The following CACNA1B variants were observed in gnomAD, a reference collection of about 807,000 sequenced individuals.
The protein encoded by CACNA1B is calcium voltage-gated channel subunit alpha1 B.
CACNA1B carries 70 observed loss-of-function variants against 247.2 expected under a neutral mutation model. The observed-to-expected ratio is 0.28, with a 90% confidence interval of 0.23 to 0.35. CACNA1B has a LOEUF of 0.35. Among genes scored for constraint, CACNA1B ranks in the 10% least tolerant of loss-of-function variants. CACNA1B has a pLI of 1.00. For missense variants in CACNA1B, 2,367 were observed against 3,197.4 expected, an observed-to-expected ratio of 0.74 and a Z score of 6.26; for synonymous variants, 1,231 against 1,294.4, an observed-to-expected ratio of 0.95 and a Z score of 1.05.
intron 6 of CACNA1B, among the ~76,000 whole-genome samples, chr9:137,932,935 AT>A (rs60271743): frequency 0.37 from 56,053 of 151,394 alleles, 14,627 homozygotes; most frequent in African/African-American, 0.73. Context: ...TTATTTATTT[AT>A]TTATTATATT....
At position 138,043,791 on chromosome 9, in the gene CACNA1B, G is replaced by A; in HGVS notation, c.3304G>A (p.Glu1102Lys). 6.2e-7 allele frequency: 1 copy of A among 1,613,914 alleles called. No individual in the cohort carries two copies. The change falls in exon 21 of 47, where the codon GAA becomes AAA. Residue 1102 changes from glutamate to lysine, a missense_variant. Glu to Lys is a moderately conservative substitution (Grantham distance 56). This residue lies in a region of CACNA1B where 631 missense variants were observed against 631.1 expected (regional missense o/e 1.00). Transcript: ENST00000371372. The stretch of plus-strand genomic sequence containing the variant: ...CCTTGTAGGTGGTAACGTGGACCTG[G>A]AAAGCCAAGCAGAGGGGAAGAAGGA... ...TVVPSGNVDL[E>K]SQAEGKKEVE...
At chr9:137,904,234 T>G (rs1423214076) in intron 3 of CACNA1B, among the ~76,000 whole-genome samples, 1 of 152,164 alleles carries the variant, frequency 6.6e-6, no homozygotes, top group Non-Finnish European at 1.5e-5. Flanking sequence ...CTGTAAGGCA[T>G]GTAAAACCCA....
chr9:138,053,996 A>C lies in CACNA1B; in HGVS notation c.3958A>C (p.Arg1320=). The C allele has an allele frequency of 1.2e-6, 2 of 1,613,890 alleles. No individual in the cohort carries two copies. Among genetic ancestry groups the C allele is most frequent in the Non-Finnish European group, 1.7e-6 (2 of 1,179,802 alleles). The part of the protein sequence containing the change: ...YCTDESKELE[R]DCRGQYLDYE... Reference sequence around the variant, plus strand: ...CACAGATGAATCCAAGGAGCTGGAGAGGGACTGCAGGTAAACTGAGGCAGG... The same window carrying C: ...CACAGATGAATCCAAGGAGCTGGAGCGGGACTGCAGGTAAACTGAGGCAGG... The change falls in exon 26 of 47, where the codon AGG becomes CGG. Residue 1320 remains arginine, a synonymous_variant. Transcript: ENST00000371372.
intron 15 of CACNA1B, among the ~76,000 whole-genome samples, chr9:138,005,887 C>T (rs1056775441): frequency 2.0e-5 from 3 of 151,850 alleles, no homozygotes; most frequent in Non-Finnish European, 4.4e-5. Context: ...ACTAAAAATA[C>T]AAAAAATTAG....
At chr9:138,103,517 C>T (rs1365957926) in intron 38 of CACNA1B, among the ~76,000 whole-genome samples, 1 of 152,078 alleles carries the variant, frequency 6.6e-6, no homozygotes. Flanking sequence ...GGGGGTAAAT[C>T]GAGGGATGCC....
intron 3 of CACNA1B, chr9:137,892,066 A>G: frequency 2.2e-6 from 1 of 456,858 alleles, no homozygotes; most frequent in Non-Finnish European, 4.4e-6. Flanking sequence ...CTTCTTCCCC[A>G]CCAGGCTGGC....
rs202102427 is a variant in CACNA1B, at chr9:138,121,728, C to G, written c.6749C>G (p.Pro2250Arg). The change falls in exon 47 of 47, where the codon CCT (proline) becomes CGT (arginine). Residue 2250 changes from proline to arginine, a missense_variant. Pro to Arg is a moderately radical substitution (Grantham distance 103). Around this residue, in one of 12 missense-constraint regions of CACNA1B, gnomAD observed 773 missense variants for 779.4 expected, o/e 0.99. Transcript: ENST00000371372. This position sits in a 1 kb window ranked among gnomAD's most constrained non-coding sequence, Gnocchi z 6.8. ...GACCCCCTCAGCCAGCCCCTGGCCC[C>G]TGGCTCTCGAATTGGCTCTGACCCT... Reference protein sequence around the residue: ...QRDPLSQPLAPGSRIGSDPYL... With the variant: ...QRDPLSQPLARGSRIGSDPYL... 2 of 1,613,348 alleles carry G rather than the reference C, an allele frequency of 1.2e-6. No individual in the cohort carries two copies. The highest frequency in any genetic ancestry group is 1.3e-5 in the African/African-American group (1 of 74,944).
intron 10 of CACNA1B, among the ~76,000 whole-genome samples, chr9:137,965,402 C>T (rs144292313): frequency 0.023 from 3,467 of 152,232 alleles, 94 homozygotes; most frequent in Admixed American, 0.068. Flanking sequence ...GTCTATTGGC[C>T]GGGCGCGGTG....
chr9:138,005,325 A>G (rs1958633599), intron 15 of CACNA1B, among the ~76,000 whole-genome samples: 1 of 152,252 alleles, frequency 6.6e-6, no homozygotes, highest in African/African-American at 2.4e-5. Context: ...ACATGGATGG[A>G]AGTGGATGTC....
intron 6 of CACNA1B, among the ~76,000 whole-genome samples, chr9:137,939,841 A>T (rs1957711174): frequency 7.3e-6 from 1 of 137,766 alleles, no homozygotes; most frequent in South Asian, 2.2e-4. Flanking sequence ...TAAATAAATA[A>T]ATAAATAAAA....
At chr9:137,958,107 T>G (rs1460277472) in intron 10 of CACNA1B, among the ~76,000 whole-genome samples, 1 of 150,166 alleles carries the variant, frequency 6.7e-6, no homozygotes, top group Non-Finnish European at 1.5e-5. Context: ...AGACACCAAG[T>G]CAGATCCAAT....
Position 138,006,694 on chromosome 9 carries a change from A to G in CACNA1B, c.1975-73A>G, listed in dbSNP as rs2290580. 186,518 of 802,942 alleles carry G rather than the reference A, an allele frequency of 0.23. 33,216 individuals are homozygous for G. Among genetic ancestry groups the G allele is most frequent in the African/African-American group, 0.67 (39,609 of 59,520 alleles). The allele number at this position is 802,942 out of a possible 1,614,324, so 49.7% of individuals were successfully genotyped here. Reference sequence around the variant, plus strand: ...TGGACGTGGCGGTGCACATGCACTCATGTGGGTGGGGGTGCGTGTGTGTGG... The same window carrying G: ...TGGACGTGGCGGTGCACATGCACTCGTGTGGGTGGGGGTGCGTGTGTGTGG... On this transcript the variant is annotated intron_variant, in intron 15 of 46. Coordinates refer to ENST00000371372, the MANE Select transcript of CACNA1B (RefSeq NM_000718.4).
In CACNA1B at chr9:138,102,907, GCTGT is replaced by G. The variant is rs1961301277; in HGVS notation, c.5319+108_5319+111del. The stretch of plus-strand genomic sequence containing the variant: ...GCTCCTCTCCCTTTCAGGGTGCCCG[GCTGT>G]CTGTCTGCCGCTCTGCTGTGCGCCC... On this transcript the variant is annotated intron_variant, in intron 38 of 46. Coordinates refer to ENST00000371372, the MANE Select transcript of CACNA1B (RefSeq NM_000718.4). This position sits in a 1 kb window ranked among gnomAD's most constrained non-coding sequence, Gnocchi z 5.4. The G allele has an allele frequency of 5.0e-5, 35 of 701,872 alleles. 1 individual carries two copies. In the South Asian group the frequency reaches 5.8e-4, roughly 12 times the overall value. 43.5% of individuals were successfully genotyped at this position (701,872 alleles called of 1,614,324 possible).
chr9:138,060,352 C>T (rs1023063881), intron 31 of CACNA1B, among the ~76,000 whole-genome samples: 1 of 152,158 alleles, frequency 6.6e-6, no homozygotes, highest in Non-Finnish European at 1.5e-5. Flanking sequence ...GACGCAGACA[C>T]GAGCACTCAT....
At chr9:138,092,258 C>A (rs767247208) in intron 36 of CACNA1B, among the ~76,000 whole-genome samples, 16 of 152,178 alleles carry the variant, frequency 1.1e-4, no homozygotes, top group Non-Finnish European at 5.9e-5. Flanking sequence ...CCTGAGGGCA[C>A]TGCAGGAGAC....
intron 15 of CACNA1B, among the ~76,000 whole-genome samples, chr9:138,001,093 A>G (rs1958571771): frequency 6.6e-6 from 1 of 152,214 alleles, no homozygotes; most frequent in South Asian, 2.1e-4. Context: ...AAAGAACCTA[A>G]TAGCTAAACT....
At position 137,923,349 on chromosome 9, in the gene CACNA1B, A is replaced by G. The variant is rs111562426; in HGVS notation, c.966+5918A>G. Among the ~76,000 whole-genome samples the G allele has an allele frequency of 6.7e-3, 868 of 129,292 alleles. 35 individuals carry two copies. Among genetic ancestry groups the G allele is most frequent in the African/African-American group, 0.025 (820 of 32,414 alleles). 84.8% of individuals were successfully genotyped at this position (129,292 alleles called of 152,430 possible). A position where few individuals can be genotyped will look rare whatever the true frequency, so the allele number is the denominator to read the frequency against. ...CAGGTGGTATTCCGTGGTGCCAGGT[A>G]GTATTCCGTGGCTCCAGGTGGTATT... On this transcript the variant is annotated intron_variant, in intron 6 of 46. Coordinates refer to ENST00000371372, the MANE Select transcript of CACNA1B (RefSeq NM_000718.4).
intron 6 of CACNA1B, among the ~76,000 whole-genome samples, chr9:137,925,938 T>G (rs1472051695): frequency 2.7e-5 from 4 of 146,772 alleles, no homozygotes; most frequent in Admixed American, 1.4e-4. Context: ...TTTTTTTTAG[T>G]AGAGACGGGA....
In CACNA1B at chr9:137,955,733, G is replaced by T; in HGVS notation, c.1106G>T (p.Arg369Leu). 1 of 1,612,888 alleles carries T rather than the reference G, an allele frequency of 6.2e-7. No homozygotes were observed. Among genetic ancestry groups the T allele is most frequent in the South Asian group, 1.1e-5 (1 of 90,766 alleles). Residue 369 changes from arginine to leucine, a missense_variant, in exon 8 of 47, where the codon CGC becomes CTC. Physicochemically the swap from Arg to Leu is moderately radical, Grantham distance 102. Coordinates refer to ENST00000371372, the MANE Select transcript of CACNA1B (RefSeq NM_000718.4). The surrounding 1 kb of genome is among the most constrained non-coding windows in gnomAD (Gnocchi z 6.9). ...FAKERERVEN[R>L]RAFLKLRRQQ... ...AAGGAGCGAGAGAGGGTGGAGAACC[G>T]CCGCGCCTTCCTGAAGCTGCGCCGG...
Sources: allele counts gnomAD v4.1 joint callset (sites outside exome capture counted in the v4.1 genomes callset), GRCh38; gene constraint gnomAD v4.1.1; regional missense constraint gnomAD v4.1.1; non-coding constraint Gnocchi (gnomAD v3.1); transcripts MANE v1.5; gene names NCBI Gene and HGNC (gene_info 2026-07-23, HGNC 2026-07-21).